Variants in AFF3 observed in about 807,000 individuals in gnomAD.
The protein encoded by AFF3 is AF4/FMR2 family member 3.
Under a neutral mutation model 129.7 loss-of-function variants are expected in AFF3, and 32 were observed. The ratio of observed to expected loss-of-function variants is 0.25; its 90% CI spans 0.19 to 0.33. The LOEUF (loss-of-function observed/expected upper bound fraction) is 0.33. Among genes scored for constraint, AFF3 ranks in the 10% least tolerant of loss-of-function variants. The pLI is 1.00. For synonymous variants in AFF3, 644 were observed against 635.4 expected (o/e 1.01, Z -0.20); for missense variants, 1,373 against 1,592.0 (o/e 0.86, Z 2.34).
chr2:99,977,023 T>C (rs1022823926), intron 7 of AFF3, among the ~76,000 whole-genome samples: 2 of 152,204 alleles, frequency 1.3e-5, no homozygotes, highest in African/African-American at 4.8e-5. Context: ...AATCTGAGCT[T>C]GCTCTAAAGT....
At chr2:100,093,159 T>G (rs1000667164) in intron 4 of AFF3, among the ~76,000 whole-genome samples, 1 of 151,546 alleles carries the variant, frequency 6.6e-6, no homozygotes, top group Non-Finnish European at 1.5e-5. Flanking sequence ...CAGACTGGAG[T>G]GCAGTGGTGC....
At chr2:99,751,705 A>G (rs1356331355) in intron 9 of AFF3, among the ~76,000 whole-genome samples, 2 of 152,212 alleles carry the variant, frequency 1.3e-5, no homozygotes, top group Non-Finnish European at 2.9e-5. Flanking sequence ...ACTCATGTAT[A>G]TAGTCATTTA....
intron 8 of AFF3, among the ~76,000 whole-genome samples, chr2:99,775,831 G>A (rs1448029555): frequency 6.6e-6 from 1 of 152,078 alleles, no homozygotes; most frequent in Non-Finnish European, 1.5e-5. Flanking sequence ...CTATTTCAAA[G>A]GACAGTAGTT....
At chr2:100,021,701 C>T (rs1454960437) in intron 4 of AFF3, among the ~76,000 whole-genome samples, 1 of 152,042 alleles carries the variant, frequency 6.6e-6, no homozygotes, top group African/African-American at 2.4e-5. Flanking sequence ...AAAAATGATA[C>T]AAGATCTGTG....
At chr2:99,721,025 TA>T (rs1575787631) in intron 11 of AFF3, among the ~76,000 whole-genome samples, 1 of 152,276 alleles carries the variant, frequency 6.6e-6, no homozygotes, top group East Asian at 1.9e-4. Flanking sequence ...TTACATTAAT[TA>T]AAAAAAGATT....
At chr2:99,706,307 T>C (rs1016574558) in intron 11 of AFF3, among the ~76,000 whole-genome samples, 2 of 152,250 alleles carry the variant, frequency 1.3e-5, no homozygotes, top group Non-Finnish European at 2.9e-5. Flanking sequence ...GATAGGATAC[T>C]TGACTTTACC....
At chr2:99,953,166 C>T (rs147018907) in intron 7 of AFF3, among the ~76,000 whole-genome samples, 146 of 152,246 alleles carry the variant, frequency 9.6e-4, no homozygotes, top group African/African-American at 3.3e-3. Flanking sequence ...TTTAGAATTC[C>T]AAAGGTATCC....
intron 1 of AFF3, among the ~76,000 whole-genome samples, chr2:100,136,560 T>C (rs963128140): frequency 6.6e-6 from 1 of 152,200 alleles, no homozygotes; most frequent in Non-Finnish European, 1.5e-5. Flanking sequence ...AATGGACACA[T>C]GTGGGAGTGT....
At chr2:100,130,028 G>C (rs1473673432) in intron 1 of AFF3, among the ~76,000 whole-genome samples, 1 of 152,166 alleles carries the variant, frequency 6.6e-6, no homozygotes, top group Non-Finnish European at 1.5e-5. Context: ...GCATGAAAAG[G>C]AGGCATGCCA....
chr2:99,664,370 G>T (rs954520336), intron 12 of AFF3, among the ~76,000 whole-genome samples: 2 of 152,204 alleles, frequency 1.3e-5, no homozygotes, highest in African/African-American at 4.8e-5. Flanking sequence ...CCAAAATTTG[G>T]TTATTCTTGA....
intron 7 of AFF3, among the ~76,000 whole-genome samples, chr2:99,928,287 C>G (rs1286928332): frequency 6.6e-6 from 1 of 152,154 alleles, no homozygotes; most frequent in Non-Finnish European, 1.5e-5. Flanking sequence ...TAAATAACTT[C>G]ATGAAAATCT....
chr2:100,086,412 T>G (rs1689433715), intron 4 of AFF3, among the ~76,000 whole-genome samples: 1 of 151,792 alleles, frequency 6.6e-6, no homozygotes, highest in Non-Finnish European at 1.5e-5. Context: ...TCCCAGCTAC[T>G]TGGGAGGCTG....
chr2:99,927,602 G>A (rs1696352201), intron 7 of AFF3, among the ~76,000 whole-genome samples: 1 of 151,890 alleles, frequency 6.6e-6, no homozygotes. Context: ...AAGAAGGGAG[G>A]GGATCAGAAA....
At chr2:100,072,608 A>G (rs910011482) in intron 4 of AFF3, among the ~76,000 whole-genome samples, 6 of 152,154 alleles carry the variant, frequency 3.9e-5, no homozygotes, top group Non-Finnish European at 5.9e-5. Context: ...AACCCCAGAG[A>G]AAGTGCCCAT....
chr2:99,816,168 T>C (rs1687216106), intron 8 of AFF3, among the ~76,000 whole-genome samples: 1 of 152,200 alleles, frequency 6.6e-6, no homozygotes, highest in Admixed American at 6.5e-5. Context: ...TCTTTATCTC[T>C]GTTTTCCATT....
rs1279099350 is a variant in AFF3, at chr2:99,551,293, G to A, written c.*181C>T. ...GTGTATCTTACACACATACACAGGC[G>A]GCTTCTTATATACCCACACATACAA... On this transcript the variant is annotated 3_prime_UTR_variant, in exon 25 of 25. Coordinates refer to ENST00000672756, the MANE Select transcript of AFF3 (RefSeq NM_001386135.1). 1.6e-5 allele frequency: 12 copies of A among 771,320 alleles called. No individual in the cohort carries two copies. The highest frequency in any genetic ancestry group is 5.8e-5 in the Admixed American group (2 of 34,624). The allele number at this position is 771,320 out of a possible 1,614,324, so 47.8% of individuals were successfully genotyped here. A position where few individuals can be genotyped will look rare whatever the true frequency, so the allele number is the denominator to read the frequency against.
intron 4 of AFF3, among the ~76,000 whole-genome samples, chr2:100,009,426 TCA>T (rs1038698538): frequency 1.3e-5 from 2 of 152,144 alleles, no homozygotes; most frequent in African/African-American, 2.4e-5. Flanking sequence ...GCAGTGGTTT[TCA>T]CAGTTATGAG....
chr2:100,100,853 A>T (rs2105470773), intron 4 of AFF3, among the ~76,000 whole-genome samples: 1 of 152,374 alleles, frequency 6.6e-6, no homozygotes, highest in East Asian at 1.9e-4. Context: ...GGTGGACCAC[A>T]GAAGGAAGAC....
At chr2:99,626,351 TCCTTCCTTCCTCTTTCCTC>T (rs1444228574) in intron 13 of AFF3, among the ~76,000 whole-genome samples, 15 of 144,968 alleles carry the variant, frequency 1.0e-4, no homozygotes, top group African/African-American at 3.7e-4. Context: ...TCTCTTTCCT[TCCTTCCTTCCTCTTTCCTC>T]CCTTCCTTCC....
Sources: allele counts gnomAD v4.1 joint callset (sites outside exome capture counted in the v4.1 genomes callset), GRCh38; gene constraint gnomAD v4.1.1; transcripts MANE v1.5; gene names NCBI Gene and HGNC (gene_info 2026-07-23, HGNC 2026-07-21).